Variants in PAK5 observed in about 807,000 individuals in gnomAD.
The protein encoded by PAK5 is serine/threonine-protein kinase PAK 5.
In PAK5, 16 loss-of-function variants were observed where a neutral mutation model predicts 65.9. The observed-to-expected ratio is 0.24, with a 90% CI of 0.16 to 0.37. The LOEUF (loss-of-function observed/expected upper bound fraction) is 0.37. Ranked by LOEUF, PAK5 falls within the 10% of genes least tolerant of loss-of-function variation. The probability of loss-of-function intolerance (pLI) is 1.00; values close to 1 mark genes in which losing one functional copy is unlikely to be tolerated. For synonymous variants in PAK5, 371 were observed against 354.9 expected, an observed-to-expected ratio of 1.05 and a Z score of -0.51; for missense variants, 785 against 903.9, an observed-to-expected ratio of 0.87 and a Z score of 1.69.
At chr20:9,620,583 T>C (rs952300361) in intron 3 of PAK5, among the ~76,000 whole-genome samples, 14 of 152,184 alleles carry the variant, frequency 9.2e-5, no homozygotes, top group African/African-American at 3.4e-4. Context: ...CTCTAGCTGC[T>C]CATGGGTGGA....
intron 3 of PAK5, among the ~76,000 whole-genome samples, chr20:9,592,310 G>A (rs528386287): frequency 1.3e-5 from 2 of 152,302 alleles, no homozygotes; most frequent in South Asian, 4.1e-4. Flanking sequence ...TAATATCCAT[G>A]TAACAAACAA....
chr20:9,620,053 G>C (rs1247775856), intron 3 of PAK5, among the ~76,000 whole-genome samples: 1 of 152,238 alleles, frequency 6.6e-6, no homozygotes, highest in Non-Finnish European at 1.5e-5. Flanking sequence ...GACACCTTTA[G>C]TGTACAGATA....
At chr20:9,573,813 G>A (rs1028528021) in intron 4 of PAK5, among the ~76,000 whole-genome samples, 3 of 152,330 alleles carry the variant, frequency 2.0e-5, no homozygotes, top group Non-Finnish European at 4.4e-5. Flanking sequence ...GGAATGTTCC[G>A]TGAAGGATGG....
rs986735406 is a variant in PAK5, at chr20:9,537,742, A to T, written c.*1720T>A. On this transcript the variant is annotated 3_prime_UTR_variant, in exon 10 of 10. Transcript: ENST00000353224. ...GTTTTTATTCTCACATATTTATATT[A>T]ATGCTTTAATATTTTACATAAAACA... 4.5e-6 allele frequency: 1 copy of T among 222,002 alleles called. No homozygotes were observed. Among genetic ancestry groups the T allele is most frequent in the Non-Finnish European group, 9.0e-6 (1 of 111,018 alleles). The allele number at this position is 222,002 out of a possible 1,614,324, so 13.8% of individuals were successfully genotyped here. A position where few individuals can be genotyped will look rare whatever the true frequency, so the allele number is the denominator to read the frequency against.
chr20:9,695,121 A>G (rs1378670286), intron 2 of PAK5, among the ~76,000 whole-genome samples: 3 of 151,792 alleles, frequency 2.0e-5, no homozygotes, highest in Non-Finnish European at 4.4e-5. Flanking sequence ...TTTATTTTGC[A>G]TTTCCCTAGT....
In PAK5 at chr20:9,539,419, C is replaced by T. The variant is rs1273023987; in HGVS notation, c.*43G>A. 6.3e-7 allele frequency: 1 copy of T among 1,590,626 alleles called. No individual in the cohort carries two copies. Among genetic ancestry groups the T allele is most frequent in the Admixed American group, 1.7e-5 (1 of 59,826 alleles). On this transcript the variant is annotated 3_prime_UTR_variant, in exon 10 of 10. Coordinates refer to ENST00000353224, the MANE Select transcript of PAK5 (RefSeq NM_177990.4). ...TTTCCTTTTGTTCTCCTGAATTATT[C>T]TCATGTCCTCATCTAGCTTTGCCAC...
intron 7 of PAK5, among the ~76,000 whole-genome samples, chr20:9,551,243 A>G (rs377327231): frequency 6.6e-6 from 1 of 152,240 alleles, no homozygotes; most frequent in African/African-American, 2.4e-5. Context: ...AGCAAATCAC[A>G]TAGACGCTAA....
intron 1 of PAK5, among the ~76,000 whole-genome samples, chr20:9,718,163 GTTTAAAAACTCTAAAATT>G (rs1477835646): frequency 2.0e-5 from 3 of 151,642 alleles, no homozygotes; most frequent in African/African-American, 7.3e-5. Context: ...GAATTTTAGA[GTTTAAAAACTCTAAAATT>G]TAAACTTTAA....
At chr20:9,634,239 T>C (rs909369398) in intron 3 of PAK5, among the ~76,000 whole-genome samples, 1 of 152,160 alleles carries the variant, frequency 6.6e-6, no homozygotes, top group Non-Finnish European at 1.5e-5. Flanking sequence ...ATCACCCATT[T>C]GTGATTACAG....
At chr20:9,558,926 T>C (rs142048255) in intron 6 of PAK5, among the ~76,000 whole-genome samples, 64 of 152,348 alleles carry the variant, frequency 4.2e-4, no homozygotes, top group Non-Finnish European at 6.8e-4. Context: ...TGCCCAAGGT[T>C]GCGCAGCTAA....
chr20:9,811,500 A>G (rs1439114352), intron 1 of PAK5, among the ~76,000 whole-genome samples: 1 of 152,176 alleles, frequency 6.6e-6, no homozygotes, highest in Non-Finnish European at 1.5e-5. Context: ...GTGAGAACAG[A>G]AGGGAGAAGT....
intron 2 of PAK5, among the ~76,000 whole-genome samples, chr20:9,698,271 T>C (rs1185025763): frequency 6.6e-6 from 1 of 152,112 alleles, no homozygotes; most frequent in Non-Finnish European, 1.5e-5. Flanking sequence ...ACACTCCTCT[T>C]AAGTAGTTCA....
chr20:9,675,695 T>C (rs2047560994), intron 2 of PAK5, among the ~76,000 whole-genome samples: 10 of 152,300 alleles, frequency 6.6e-5, no homozygotes, highest in Admixed American at 5.9e-4. Context: ...TTCTGTTACA[T>C]TATTCAGTTC....
intron 6 of PAK5, among the ~76,000 whole-genome samples, chr20:9,560,906 G>T (rs2045580824): frequency 1.3e-5 from 2 of 152,184 alleles, no homozygotes; most frequent in African/African-American, 4.8e-5. Flanking sequence ...TTTGGGTACA[G>T]CATGGATTCT....
chr20:9,718,759 G>A (rs1239064233), intron 1 of PAK5, among the ~76,000 whole-genome samples: 2 of 152,156 alleles, frequency 1.3e-5, no homozygotes, highest in Non-Finnish European at 2.9e-5. Context: ...ATCTTTCTTA[G>A]AAATATGTCT....
rs904027884 is a variant in PAK5, at chr20:9,700,420, G to A, written c.-12+10866C>T. Among the ~76,000 whole-genome samples, 14 of 152,198 alleles carry A rather than the reference G, an allele frequency of 9.2e-5. No homozygotes were observed. The East Asian group carries it at 2.3e-3, about 25-fold the overall frequency. On this transcript the variant is annotated intron_variant, in intron 2 of 9. Coordinates refer to ENST00000353224, the MANE Select transcript of PAK5 (RefSeq NM_177990.4). ...AGTGAGACTCTATCTCAAAACAAAA[G>A]TGTGTTCTTATTATTGCACAGCATT...
At chr20:9,687,472 T>C (rs2047734656) in intron 2 of PAK5, among the ~76,000 whole-genome samples, 1 of 152,232 alleles carries the variant, frequency 6.6e-6, no homozygotes, top group Admixed American at 6.5e-5. Flanking sequence ...AATTTTACCA[T>C]ATCATTTTGA....
chr20:9,754,248 C>T (rs145976592), intron 1 of PAK5, among the ~76,000 whole-genome samples: 129 of 152,224 alleles, frequency 8.5e-4, no homozygotes, highest in African/African-American at 3.1e-3. Context: ...AGGGGAATTG[C>T]AATAAAGAAA....
intron 7 of PAK5, among the ~76,000 whole-genome samples, chr20:9,548,548 T>C (rs1340472204): frequency 6.6e-6 from 1 of 152,204 alleles, no homozygotes; most frequent in Non-Finnish European, 1.5e-5. Context: ...TTTCCATCTC[T>C]AGCTAGAGAT....
Sources: allele counts gnomAD v4.1 joint callset (sites outside exome capture counted in the v4.1 genomes callset), GRCh38; gene constraint gnomAD v4.1.1; transcripts MANE v1.5; gene names NCBI Gene and HGNC (gene_info 2026-07-23, HGNC 2026-07-21).